Variants in EPHA6 observed in about 807,000 individuals in gnomAD.
The protein encoded by EPHA6 is ephrin type-A receptor 6.
In EPHA6, 50 loss-of-function variants were observed where a neutral mutation model predicts 112.0. That is an observed-to-expected ratio of 0.45 (90% CI 0.36 to 0.56). EPHA6 has a LOEUF of 0.56. Among genes scored for constraint, EPHA6 ranks in the 20% least tolerant of loss-of-function variants. The pLI is 0.00. For missense variants in EPHA6, 1,280 were observed against 1,417.4 expected (o/e 0.90, Z 1.56); for synonymous variants, 529 against 490.7 (o/e 1.08, Z -1.03).
chr3:97,697,588 G>C (rs915899197), intron 14 of EPHA6, among the ~76,000 whole-genome samples: 6 of 152,196 alleles, frequency 3.9e-5, no homozygotes, highest in Non-Finnish European at 8.8e-5. Context: ...ATTTATGCGT[G>C]CAATTTCAGT....
intron 5 of EPHA6, among the ~76,000 whole-genome samples, chr3:97,309,042 G>A (rs2081438474): frequency 6.6e-6 from 1 of 151,650 alleles, no homozygotes; most frequent in African/African-American, 2.4e-5. Flanking sequence ...TAATAACAAA[G>A]ACAACATATC....
chr3:97,694,914 T>C (rs1052901275), intron 14 of EPHA6, among the ~76,000 whole-genome samples: 4 of 152,196 alleles, frequency 2.6e-5, no homozygotes, highest in African/African-American at 7.2e-5. Flanking sequence ...CCACAGCAAA[T>C]AGAGTCAACT....
At chr3:97,400,551 C>T (rs2086935565) in intron 5 of EPHA6, among the ~76,000 whole-genome samples, 1 of 151,578 alleles carries the variant, frequency 6.6e-6, no homozygotes, top group African/African-American at 2.4e-5. Flanking sequence ...TATTTGAATC[C>T]ATGAGCATAG....
chr3:96,952,368 C>T (rs527526928), intron 2 of EPHA6, among the ~76,000 whole-genome samples: 18 of 152,178 alleles, frequency 1.2e-4, no homozygotes, highest in South Asian at 1.0e-3. Context: ...GTGTTTGGAT[C>T]GTGAAGGCTT....
rs766594731 is a variant in EPHA6 at position 97,483,813 on chromosome 3, G to A, written c.2075-121G>A. 3.2e-5 allele frequency: 33 copies of A among 1,043,412 alleles called. 1 individual carries two copies. In the African/African-American group the frequency reaches 4.6e-4, roughly 15 times the overall value. The allele number at this position is 1,043,412 out of a possible 1,614,324, so 64.6% of individuals were successfully genotyped here. On this transcript the variant is annotated intron_variant, in intron 9 of 17. Coordinates refer to ENST00000389672, the MANE Select transcript of EPHA6 (RefSeq NM_001080448.3). ...TAATATGGGACAGGAAGAAAAGAGAGACTTTAAATCATTATCAAGACTGAC... is the reference window on the plus strand; with the variant it reads ...TAATATGGGACAGGAAGAAAAGAGAAACTTTAAATCATTATCAAGACTGAC...
chr3:97,529,092 G>A (rs2092664938), intron 10 of EPHA6, among the ~76,000 whole-genome samples: 1 of 152,054 alleles, frequency 6.6e-6, no homozygotes, highest in South Asian at 2.1e-4. Flanking sequence ...TTGGTTTGAA[G>A]ACACCATTGC....
chr3:97,586,100 T>C (rs2093484993), intron 11 of EPHA6, among the ~76,000 whole-genome samples: 1 of 152,166 alleles, frequency 6.6e-6, no homozygotes, highest in Non-Finnish European at 1.5e-5. Context: ...CTTAAGTAAT[T>C]TGTCACTTTT....
intron 5 of EPHA6, among the ~76,000 whole-genome samples, chr3:97,300,750 T>A (rs1391898267): frequency 7.2e-5 from 11 of 152,022 alleles, no homozygotes; most frequent in African/African-American, 2.7e-4. Flanking sequence ...CCAATATACT[T>A]GCAACTAGTT....
chr3:97,240,918 T>C (rs1559820982), intron 4 of EPHA6, among the ~76,000 whole-genome samples: 1 of 151,798 alleles, frequency 6.6e-6, no homozygotes, highest in Non-Finnish European at 1.5e-5. Flanking sequence ...ATAGGACATA[T>C]TTTGGGAAAC....
At position 97,244,217 on chromosome 3, in the gene EPHA6, G is replaced by T. The variant is rs765136384; in HGVS notation, c.1536G>T (p.Met512Ile). ...HVNYTFEIEA[M>I]NGVSELSFSP... is the part of the protein sequence containing the mutation. ...ATTACACCTTTGAAATAGAAGCAATGAATGGAGTTTCTGAGTTGAGTTTTT... is the reference window on the plus strand; with the variant it reads ...ATTACACCTTTGAAATAGAAGCAATTAATGGAGTTTCTGAGTTGAGTTTTT... Residue 512 changes from methionine (M) to isoleucine (I), a missense_variant, in exon 5 of 18, where the codon ATG (methionine) becomes ATT (isoleucine). Coordinates refer to ENST00000389672, the MANE Select transcript of EPHA6 (RefSeq NM_001080448.3). The T allele has an allele frequency of 6.2e-7, 1 of 1,613,156 alleles. No homozygotes were observed. The highest frequency in any genetic ancestry group is 8.5e-7 in the Non-Finnish European group (1 of 1,179,362).
intron 5 of EPHA6, among the ~76,000 whole-genome samples, chr3:97,293,712 C>A (rs992274240): frequency 3.9e-5 from 6 of 152,192 alleles, no homozygotes; most frequent in Non-Finnish European, 7.3e-5. Context: ...GAATGGGCAG[C>A]CCAGGCCCCA....
intron 5 of EPHA6, among the ~76,000 whole-genome samples, chr3:97,317,281 A>G (rs2081889176): frequency 6.6e-6 from 1 of 152,026 alleles, no homozygotes; most frequent in Admixed American, 6.6e-5. Flanking sequence ...GATGACTAGT[A>G]TTGCAGCACT....
intron 7 of EPHA6, among the ~76,000 whole-genome samples, chr3:97,456,833 C>G (rs996033832): frequency 6.6e-6 from 1 of 151,992 alleles, no homozygotes; most frequent in Non-Finnish European, 1.5e-5. Context: ...TTCTTTCAAG[C>G]TATTTGACTT....
At chr3:97,735,670 A>G (rs1415660082) in intron 15 of EPHA6, among the ~76,000 whole-genome samples, 1 of 152,006 alleles carries the variant, frequency 6.6e-6, no homozygotes, top group Non-Finnish European at 1.5e-5. Flanking sequence ...TTAAGGTTGT[A>G]GGGAACTTAA....
intron 2 of EPHA6, among the ~76,000 whole-genome samples, chr3:96,867,523 T>C (rs1290404862): frequency 6.6e-6 from 1 of 151,832 alleles, no homozygotes; most frequent in East Asian, 1.9e-4. Flanking sequence ...AATATATGTC[T>C]ACTTCTCATT....
In EPHA6 at chr3:97,317,159, T is replaced by C. The variant is rs115166952; in HGVS notation, c.1606+72872T>C. Among the ~76,000 whole-genome samples, 748 of 150,750 alleles carry C rather than the reference T, an allele frequency of 5.0e-3. 12 individuals are homozygous for C. The highest frequency in any genetic ancestry group is 0.018 in the African/African-American group (724 of 41,198). Reference sequence around the variant, plus strand: ...GAAAAAAAAAAAGAAAATGTGATGATGGAAAGGCCAACTGTGTCACTGTCA... The same window carrying C: ...GAAAAAAAAAAAGAAAATGTGATGACGGAAAGGCCAACTGTGTCACTGTCA... On this transcript the variant is annotated intron_variant, in intron 5 of 17. Transcript: ENST00000389672.
intron 7 of EPHA6, among the ~76,000 whole-genome samples, chr3:97,449,614 A>G (rs574058594): frequency 4.6e-5 from 7 of 152,228 alleles, no homozygotes; most frequent in African/African-American, 1.7e-4. Context: ...CATCCAGTGA[A>G]ACAAGTATTA....
chr3:97,246,134 A>G (rs910609509), intron 5 of EPHA6, among the ~76,000 whole-genome samples: 1 of 151,888 alleles, frequency 6.6e-6, no homozygotes, highest in East Asian at 1.9e-4. Context: ...ATCTTGTCAA[A>G]TATATCTTAA....
rs539987787 is a variant in EPHA6, at chr3:96,971,923, T to C, written c.451-15407T>C. Among the ~76,000 whole-genome samples, 4 of 152,296 alleles carry C rather than the reference T, an allele frequency of 2.6e-5. No homozygotes were observed. In the South Asian group the frequency reaches 8.3e-4, roughly 32 times the overall value. On this transcript the variant is annotated intron_variant, in intron 2 of 17. Coordinates refer to ENST00000389672, the MANE Select transcript of EPHA6 (RefSeq NM_001080448.3). Reference sequence around the variant, plus strand: ...GTTGATTTGGAGGAATAATTAATTATTGGCATATACTACAAAACATTGAGA... The same window carrying C: ...GTTGATTTGGAGGAATAATTAATTACTGGCATATACTACAAAACATTGAGA...
Sources: gnomAD v4.1 joint callset for allele counts (sites outside exome capture counted in the v4.1 genomes callset) on GRCh38, gnomAD v4.1.1 for gene constraint, MANE v1.5 for transcripts, NCBI Gene and HGNC (gene_info 2026-07-23, HGNC 2026-07-21) for gene names.